GNAL: variants seen among roughly 807,000 people sequenced by gnomAD.
The protein encoded by GNAL is guanine nucleotide-binding protein G(olf) subunit alpha.
Under a neutral mutation model 55.1 loss-of-function variants are expected in GNAL, and 18 were observed. The observed-to-expected ratio is 0.33, with a 90% confidence interval of 0.23 to 0.48. The LOEUF (loss-of-function observed/expected upper bound fraction) is 0.48. GNAL is among the 20% of genes least tolerant of loss of function. GNAL has a pLI of 0.99. For synonymous variants in GNAL, 253 were observed against 237.0 expected (o/e 1.07, Z -0.62); for missense variants, 412 against 614.1 (o/e 0.67, Z 3.48).
chr18:11,830,720 A>C (rs571138228), intron 5 of GNAL, among the ~76,000 whole-genome samples: 3 of 152,356 alleles, frequency 2.0e-5, no homozygotes, highest in South Asian at 4.1e-4. Context: ...AGGTGAAAAC[A>C]ACCGAAATGT....
chr18:11,788,914 A>AAAAAAAAAAAAAAAT (rs60071996), intron 4 of GNAL, among the ~76,000 whole-genome samples: 3 of 56,302 alleles, frequency 5.3e-5, no homozygotes, highest in African/African-American at 1.0e-4. Flanking sequence ...AAAAAAAAAA[A>AAAAAAAAAAAAAAAT]ATATATATAT....
chr18:11,716,238 C>T (rs2031961426), intron 1 of GNAL, among the ~76,000 whole-genome samples: 1 of 152,184 alleles, frequency 6.6e-6, no homozygotes, highest in South Asian at 2.1e-4. Context: ...AAGCCGCGGA[C>T]CCTCGCGGTG....
At chr18:11,726,138 G>GCTTT (rs1357441383) in intron 1 of GNAL, among the ~76,000 whole-genome samples, 1 of 152,200 alleles carries the variant, frequency 6.6e-6, no homozygotes, top group African/African-American at 2.4e-5. Context: ...GATCACTGTA[G>GCTTT]CTTTATGTTA....
intron 1 of GNAL, among the ~76,000 whole-genome samples, chr18:11,729,883 T>G (rs1047907068): frequency 6.6e-6 from 1 of 152,112 alleles, no homozygotes; most frequent in Non-Finnish European, 1.5e-5. Flanking sequence ...GAGTTGCAGG[T>G]AAAATCATAA....
chr18:11,858,386 C>A (rs549576881), intron 5 of GNAL, among the ~76,000 whole-genome samples: 2 of 152,248 alleles, frequency 1.3e-5, no homozygotes, highest in East Asian at 3.9e-4. Context: ...AGTGAATAGT[C>A]TGCAAGGGAT....
intron 5 of GNAL, among the ~76,000 whole-genome samples, chr18:11,845,877 C>T (rs1433204178): frequency 2.6e-5 from 4 of 152,068 alleles, no homozygotes; most frequent in African/African-American, 9.7e-5. Context: ...TCTATATGGT[C>T]TTCACAATAT....
At position 11,752,654 on chromosome 18, in the gene GNAL, C is replaced by G; in HGVS notation, c.377-199C>G. On this transcript the variant is annotated intron_variant, in intron 1 of 11. Coordinates refer to ENST00000334049, the MANE Select transcript of GNAL (RefSeq NM_182978.4). This position sits in a 1 kb window ranked among gnomAD's most constrained non-coding sequence, Gnocchi z 4.5. ...CAGGAGCGGCGAGCGCCAGGCTGGG[C>G]GGGCAGGGCCGGGCGAGGGTCGCGC... 2 of 1,353,468 alleles carry G rather than the reference C, an allele frequency of 1.5e-6. No individual in the cohort carries two copies. The highest frequency in any genetic ancestry group is 1.9e-6 in the Non-Finnish European group (2 of 1,042,512). The allele number at this position is 1,353,468 out of a possible 1,614,324, so 83.8% of individuals were successfully genotyped here.
chr18:11,777,083 TATATG>T (rs757709505), intron 4 of GNAL, among the ~76,000 whole-genome samples: 2 of 152,234 alleles, frequency 1.3e-5, no homozygotes, highest in East Asian at 3.8e-4. Context: ...AAAAAATTAA[TATATG>T]ATATGTATGA....
At chr18:11,772,116 A>G (rs1450082779) in intron 4 of GNAL, among the ~76,000 whole-genome samples, 2 of 152,172 alleles carry the variant, frequency 1.3e-5, no homozygotes, top group African/African-American at 2.4e-5. Context: ...ATGGAGAGAC[A>G]TTCTTGGACT....
chr18:11,707,728 A>G (rs1414181495), intron 1 of GNAL, among the ~76,000 whole-genome samples: 1 of 152,224 alleles, frequency 6.6e-6, no homozygotes, highest in Non-Finnish European at 1.5e-5. Context: ...CTTCCCACAG[A>G]AGGCTGTTCC....
intron 4 of GNAL, among the ~76,000 whole-genome samples, chr18:11,774,382 A>G (rs1248904698): frequency 6.6e-6 from 1 of 152,210 alleles, no homozygotes; most frequent in African/African-American, 2.4e-5. Context: ...AATAGTGTAG[A>G]CTAAAATATA....
intron 1 of GNAL, among the ~76,000 whole-genome samples, chr18:11,737,864 A>G (rs111425548): frequency 1.3e-4 from 20 of 152,314 alleles, no homozygotes; most frequent in African/African-American, 3.8e-4. Flanking sequence ...TCAGCCTGAC[A>G]TGGGGGAACG....
At chr18:11,802,317 C>A (rs1243903798) in intron 4 of GNAL, among the ~76,000 whole-genome samples, 1 of 152,136 alleles carries the variant, frequency 6.6e-6, no homozygotes, top group Non-Finnish European at 1.5e-5. Context: ...AATGTCAAGT[C>A]CTTACTGGAT....
rs1323870276 is a variant in GNAL at position 11,881,046 on chromosome 18, G to A, written c.1288G>A (p.Ala430Thr). 3 of 1,614,004 alleles carry A rather than the reference G, an allele frequency of 1.9e-6. No individual in the cohort carries two copies. Among genetic ancestry groups the A allele is most frequent in the African/African-American group, 1.3e-5 (1 of 75,032 alleles). The change falls in exon 12 of 12, where the codon GCC becomes ACC. Residue 430 changes from alanine (A) to threonine (T), a missense_variant. Physicochemically the swap from Ala to Thr is moderately conservative, Grantham distance 58. This residue lies in a region of GNAL where 79 missense variants were observed against 127.1 expected (regional missense o/e 0.62). Transcript: ENST00000334049. The surrounding 1 kb of genome is among the most constrained non-coding windows in gnomAD (Gnocchi z 4.8). ...TTACTGCTACCCGCACTTCACCTGC[G>A]CCGTGGACACAGAGAACATCCGCAG... ...KHYCYPHFTC[A>T]VDTENIRRVF...
chr18:11,752,971 C>G lies in GNAL; in HGVS notation c.449+46C>G, dbSNP rs376769720. On this transcript the variant is annotated intron_variant, in intron 2 of 11. Coordinates refer to ENST00000334049, the MANE Select transcript of GNAL (RefSeq NM_182978.4). This position sits in a 1 kb window ranked among gnomAD's most constrained non-coding sequence, Gnocchi z 4.5. ...TCCAAACTGCATGCAAACTTCGTCT[C>G]TCTCCCAGACGTCCCAAAAGTGCTT... 43 of 1,127,284 alleles carry G rather than the reference C, an allele frequency of 3.8e-5. No individual in the cohort carries two copies. In the African/African-American group the frequency reaches 5.9e-4, roughly 15 times the overall value. 69.8% of individuals were successfully genotyped at this position (1,127,284 alleles called of 1,614,324 possible). A position where few individuals can be genotyped will look rare whatever the true frequency, so the allele number is the denominator to read the frequency against.
intron 5 of GNAL, chr18:11,851,257 G>A (rs941958441): frequency 1.7e-5 from 8 of 459,976 alleles, no homozygotes; most frequent in Admixed American, 4.0e-5. Context: ...CCGCAGCGCC[G>A]GAGCGTCCAG....
chr18:11,822,820 CTTTT>C (rs56128456), intron 4 of GNAL, among the ~76,000 whole-genome samples: 105 of 139,714 alleles, frequency 7.5e-4, no homozygotes, highest in African/African-American at 2.2e-3. Flanking sequence ...TTTTTTTTTT[CTTTT>C]TTTTTTTTTT....
At chr18:11,823,584 G>A (rs1598408365) in intron 4 of GNAL, among the ~76,000 whole-genome samples, 1 of 152,282 alleles carries the variant, frequency 6.6e-6, no homozygotes, top group East Asian at 1.9e-4. Context: ...CAAATTGTGA[G>A]CATTAAACCC....
chr18:11,848,942 C>T (rs1195239205), intron 5 of GNAL, among the ~76,000 whole-genome samples: 1 of 152,170 alleles, frequency 6.6e-6, no homozygotes. Context: ...CCATGGAATC[C>T]GGTTTCTAAC....
Sources: allele counts gnomAD v4.1 joint callset (sites outside exome capture counted in the v4.1 genomes callset), GRCh38; gene constraint gnomAD v4.1.1; regional missense constraint gnomAD v4.1.1; non-coding constraint Gnocchi (gnomAD v3.1); transcripts MANE v1.5; gene names NCBI Gene and HGNC (gene_info 2026-07-23, HGNC 2026-07-21).